The following SMAD4 variants were observed in gnomAD, a reference collection of about 807,000 sequenced individuals.
SMAD4 encodes the protein SMAD family member 4, also known as MAD homolog 4.
SMAD4 carries 7 observed loss-of-function variants against 63.2 expected under a neutral mutation model. The observed-to-expected ratio is 0.11, with a 90% CI of 0.06 to 0.21. The LOEUF is 0.21. SMAD4 is among the 10% of genes least tolerant of loss of function. The pLI is 1.00. For synonymous variants in SMAD4, 215 were observed against 235.4 expected, an observed-to-expected ratio of 0.91 and a Z score of 0.79; for missense variants, 312 against 693.8, an observed-to-expected ratio of 0.45 and a Z score of 6.18.
rs1288996747 is a variant in SMAD4, at chr18:51,080,900, T to A, written c.*2433T>A. 1 of 186,256 alleles carries A rather than the reference T, an allele frequency of 5.4e-6. No homozygotes were observed. The highest frequency in any genetic ancestry group is 1.1e-5 in the Non-Finnish European group (1 of 88,196). 11.5% of individuals were successfully genotyped at this position (186,256 alleles called of 1,614,324 possible). A position where few individuals can be genotyped will look rare whatever the true frequency, so the allele number is the denominator to read the frequency against. On this transcript the variant is annotated 3_prime_UTR_variant, in exon 12 of 12. Coordinates refer to ENST00000342988, the MANE Select transcript of SMAD4 (RefSeq NM_005359.6). ...CATGTTTAATCATCTGGGGAAAGTA[T>A]GTGAAAAATATTTGTTAAGAAGTAT...
At chr18:51,057,719 T>C (rs1290983201) in intron 5 of SMAD4, among the ~76,000 whole-genome samples, 2 of 152,210 alleles carry the variant, frequency 1.3e-5, no homozygotes, top group African/African-American at 4.8e-5. Flanking sequence ...TTTTTCAGTT[T>C]TCAACATTTT....
intron 10 of SMAD4, among the ~76,000 whole-genome samples, chr18:51,070,729 T>G (rs1910294055): frequency 6.6e-6 from 1 of 152,118 alleles, no homozygotes; most frequent in South Asian, 2.1e-4. Flanking sequence ...TGTAAAACCT[T>G]TTGCCAGCAT....
chr18:51,057,321 T>TA (rs561879414), intron 5 of SMAD4, among the ~76,000 whole-genome samples: 13 of 150,646 alleles, frequency 8.6e-5, no homozygotes, highest in South Asian at 8.4e-4. Flanking sequence ...ATTTCCACTT[T>TA]AAAAAAAAAG....
At chr18:51,074,759 C>T (rs1012705875) in intron 10 of SMAD4, among the ~76,000 whole-genome samples, 10 of 152,236 alleles carry the variant, frequency 6.6e-5, no homozygotes, top group African/African-American at 2.4e-4. Context: ...TGGGTAATGC[C>T]TTCCAAATGT....
At chr18:51,066,948 A>G (rs1045875430) in intron 9 of SMAD4, 71 bp from the exon 10 acceptor site, 18 of 1,196,554 alleles carry the variant, frequency 1.5e-5, no homozygotes, top group African/African-American at 3.1e-5. Context: ...TAAGCATGCT[A>G]TACAATCTGA....
chr18:51,044,703 A>C (rs1266223360), intron 1 of SMAD4, among the ~76,000 whole-genome samples: 1 of 152,194 alleles, frequency 6.6e-6, no homozygotes, highest in Non-Finnish European at 1.5e-5. Context: ...ACAATTAAGC[A>C]TGTTAATATT....
At chr18:51,051,330 G>C (rs189154462) in intron 4 of SMAD4, 1 of 455,708 alleles carries the variant, frequency 2.2e-6, no homozygotes, top group South Asian at 1.6e-5. Context: ...TGTAAAGGCT[G>C]TCTTCAGTGT....
chr18:51,057,038 A>G (rs1413009719), intron 5 of SMAD4, among the ~76,000 whole-genome samples: 2 of 152,128 alleles, frequency 1.3e-5, no homozygotes, highest in South Asian at 2.1e-4. Context: ...CTAAAATGTC[A>G]TTTTTACAGA....
At chr18:51,062,002 A>G (rs1220682243) in intron 8 of SMAD4, among the ~76,000 whole-genome samples, 1 of 152,210 alleles carries the variant, frequency 6.6e-6, no homozygotes, top group Non-Finnish European at 1.5e-5. Context: ...GCCATATTAC[A>G]GTGACACCAG....
chr18:51,069,315 G>A (rs1402595853), intron 10 of SMAD4, among the ~76,000 whole-genome samples: 1 of 151,930 alleles, frequency 6.6e-6, no homozygotes, highest in Non-Finnish European at 1.5e-5. Context: ...GGGTTTCACC[G>A]TGTTGGCCAG....
At chr18:51,044,499 C>G (rs1909480444) in intron 1 of SMAD4, among the ~76,000 whole-genome samples, 1 of 152,170 alleles carries the variant, frequency 6.6e-6, no homozygotes, top group South Asian at 2.1e-4. Context: ...CTCAGGTGAT[C>G]TTCCAGTCTC....
chr18:51,073,275 C>T (rs1333684353), intron 10 of SMAD4, among the ~76,000 whole-genome samples: 4 of 148,634 alleles, frequency 2.7e-5, no homozygotes, highest in Non-Finnish European at 4.4e-5. Context: ...TTAAATGACT[C>T]GTGGGGGTGG....
rs879291748 is a variant in SMAD4, at chr18:51,084,000, G to GCA, written c.*5535_*5536dup. On this transcript the variant is annotated 3_prime_UTR_variant, in exon 12 of 12. Coordinates refer to ENST00000342988, the MANE Select transcript of SMAD4 (RefSeq NM_005359.6). Reference sequence around the variant, plus strand: ...TGCAATAAACACTTAACGCGCGTGCGCACGCGCGCGCGCACACACACACAC... The same window carrying GCA: ...TGCAATAAACACTTAACGCGCGTGCGCACACGCGCGCGCGCACACACACACAC... 9.9e-6 allele frequency: 2 copies of GCA among 201,362 alleles called. No individual in the cohort carries two copies. Among genetic ancestry groups the GCA allele is most frequent in the Non-Finnish European group, 1.9e-5 (2 of 107,330 alleles). 12.5% of individuals were successfully genotyped at this position (201,362 alleles called of 1,614,324 possible). A position where few individuals can be genotyped will look rare whatever the true frequency, so the allele number is the denominator to read the frequency against.
At chr18:51,038,843 A>G (rs1909287799) in intron 1 of SMAD4, among the ~76,000 whole-genome samples, 1 of 152,254 alleles carries the variant, frequency 6.6e-6, no homozygotes, top group Non-Finnish European at 1.5e-5. Flanking sequence ...TATGATAAAT[A>G]TCAATGTATA....
rs1910558835 is a variant in SMAD4, at chr18:51,079,606, T to G, written c.*1139T>G. 1 of 233,346 alleles carries G rather than the reference T, an allele frequency of 4.3e-6. No homozygotes were observed. Among genetic ancestry groups the G allele is most frequent in the Admixed American group, 5.6e-5 (1 of 17,782 alleles). The allele number at this position is 233,346 out of a possible 1,614,324, so 14.5% of individuals were successfully genotyped here. A position where few individuals can be genotyped will look rare whatever the true frequency, so the allele number is the denominator to read the frequency against. ...TCTTGGGGCAAGACTGCAAACTTTT[T>G]TATATCTTTTGGTTATTCTAAGCCC... On this transcript the variant is annotated 3_prime_UTR_variant, in exon 12 of 12. Transcript: ENST00000342988.
At chr18:51,049,660 G>T in intron 4 of SMAD4, 1 of 272,992 alleles carries the variant, frequency 3.7e-6, no homozygotes, top group Non-Finnish European at 7.0e-6. Flanking sequence ...AGTTTAAATG[G>T]ATGTTAAATA....
At chr18:51,031,557 G>A (rs1275757921) in intron 1 of SMAD4, among the ~76,000 whole-genome samples, 1 of 152,122 alleles carries the variant, frequency 6.6e-6, no homozygotes, top group Non-Finnish European at 1.5e-5. Flanking sequence ...AAACACAACA[G>A]GATAATAGCG....
chr18:51,050,981 A>G (rs1909694430), intron 4 of SMAD4: 1 of 155,432 alleles, frequency 6.4e-6, no homozygotes, highest in Admixed American at 6.5e-5. Context: ...AGATTGGTGA[A>G]AACTCTGCTT....
At chr18:51,066,643 G>A (rs971459903) in intron 9 of SMAD4, among the ~76,000 whole-genome samples, 1 of 152,154 alleles carries the variant, frequency 6.6e-6, no homozygotes, top group African/African-American at 2.4e-5. Context: ...TCACTTGATT[G>A]ACTAATCGGA....
Sources: allele counts gnomAD v4.1 joint callset (sites outside exome capture counted in the v4.1 genomes callset), GRCh38; gene constraint gnomAD v4.1.1; transcripts MANE v1.5; gene names NCBI Gene and HGNC (gene_info 2026-07-23, HGNC 2026-07-21).